MB21D2: variants seen among roughly 807,000 people sequenced by gnomAD.
MB21D2 encodes the protein nucleotidyltransferase MB21D2.
A neutral mutation model predicts 33.3 loss-of-function variants in MB21D2; 9 were observed. The observed-to-expected ratio is 0.27, with a 90% CI of 0.16 to 0.47. The LOEUF (loss-of-function observed/expected upper bound fraction) is 0.47, where lower values mean the gene tolerates loss of function less well. MB21D2 is among the 20% of genes least tolerant of loss of function. MB21D2 has a pLI of 0.99. For synonymous variants in MB21D2, 241 were observed against 236.3 expected, an observed-to-expected ratio of 1.02 and a Z score of -0.18; for missense variants, 540 against 624.6, an observed-to-expected ratio of 0.86 and a Z score of 1.44.
At chr3:192,817,139 T>TTTTAAATTTA (rs1711944606) in intron 1 of MB21D2, among the ~76,000 whole-genome samples, 1 of 152,236 alleles carries the variant, frequency 6.6e-6, no homozygotes, top group Non-Finnish European at 1.5e-5. Flanking sequence ...TCCCTGTTTT[T>TTTTAAATTTA]CTTTTAATTT....
rs115850719 is a variant in MB21D2 at position 192,834,295 on chromosome 3, C to A, written c.212-34645G>T. Among the ~76,000 whole-genome samples, 582 of 149,060 alleles carry A rather than the reference C, an allele frequency of 3.9e-3. 3 individuals are homozygous for A. The highest frequency in any genetic ancestry group is 0.014 in the African/African-American group (571 of 40,328). On this transcript the variant is annotated intron_variant, in intron 1 of 1. Transcript: ENST00000392452. Reference sequence around the variant, plus strand: ...TCATGCCATTGCACTCCAGCCCAGACGACAAAGCGAGACTGCATCTCAAAA... The same window carrying A: ...TCATGCCATTGCACTCCAGCCCAGAAGACAAAGCGAGACTGCATCTCAAAA...
At chr3:192,800,704 T>C (rs1055167709) in intron 1 of MB21D2, among the ~76,000 whole-genome samples, 5 of 152,180 alleles carry the variant, frequency 3.3e-5, no homozygotes, top group Non-Finnish European at 7.3e-5. Flanking sequence ...GAAATCTGTC[T>C]TCAGGAAAAG....
intron 1 of MB21D2, among the ~76,000 whole-genome samples, chr3:192,916,981 C>A (rs969486615): frequency 6.6e-6 from 1 of 152,206 alleles, no homozygotes; most frequent in African/African-American, 2.4e-5. Context: ...GAAGAAGCAC[C>A]GGAAATGCTT....
chr3:192,806,747 T>C (rs1339334267), intron 1 of MB21D2, among the ~76,000 whole-genome samples: 1 of 152,234 alleles, frequency 6.6e-6, no homozygotes, highest in East Asian at 1.9e-4. Context: ...TGTTTACTAA[T>C]CATCTAAAAG....
chr3:192,819,898 C>G (rs1449552825), intron 1 of MB21D2, among the ~76,000 whole-genome samples: 1 of 152,198 alleles, frequency 6.6e-6, no homozygotes, highest in Non-Finnish European at 1.5e-5. Flanking sequence ...AGCTCCTGCT[C>G]TGGGGACAAG....
chr3:192,800,391 T>G (rs796956476), intron 1 of MB21D2, among the ~76,000 whole-genome samples: 3 of 152,148 alleles, frequency 2.0e-5, no homozygotes, highest in African/African-American at 7.2e-5. Flanking sequence ...TGTCTGACTT[T>G]TTTACTGTGT....
chr3:192,900,206 C>A (rs952409924), intron 1 of MB21D2, among the ~76,000 whole-genome samples: 1 of 150,372 alleles, frequency 6.7e-6, no homozygotes, highest in African/African-American at 2.5e-5. Context: ...ATGGTGTGAA[C>A]CCGGGAGGCG....
intron 1 of MB21D2, among the ~76,000 whole-genome samples, chr3:192,838,674 C>T (rs1577179174): frequency 6.6e-6 from 1 of 152,082 alleles, no homozygotes; most frequent in Non-Finnish European, 1.5e-5. Context: ...GTGATCTGCC[C>T]ACCTCGGCCT....
intron 1 of MB21D2, among the ~76,000 whole-genome samples, chr3:192,848,696 T>C (rs1335193800): frequency 3.9e-5 from 6 of 152,228 alleles, no homozygotes; most frequent in Admixed American, 3.9e-4. Flanking sequence ...AATCTACGTG[T>C]TATACACATG....
intron 1 of MB21D2, among the ~76,000 whole-genome samples, chr3:192,899,321 G>A (rs1296040829): frequency 6.6e-6 from 1 of 152,102 alleles, no homozygotes; most frequent in African/African-American, 2.4e-5. Context: ...TTGAGGTCAG[G>A]AGTTCGAGAC....
chr3:192,845,374 G>A (rs1451989353), intron 1 of MB21D2, among the ~76,000 whole-genome samples: 1 of 152,236 alleles, frequency 6.6e-6, no homozygotes, highest in African/African-American at 2.4e-5. Flanking sequence ...TCACTGTAGA[G>A]CCAAGGGTGA....
chr3:192,901,032 A>G (rs2367138), intron 1 of MB21D2, among the ~76,000 whole-genome samples: 80,108 of 151,526 alleles, frequency 0.53, 21,391 homozygotes, highest in Non-Finnish European at 0.54. Flanking sequence ...CAGGAAGGAA[A>G]CAGTACTGAA....
intron 1 of MB21D2, among the ~76,000 whole-genome samples, chr3:192,851,945 G>A (rs951036006): frequency 6.6e-6 from 1 of 152,148 alleles, no homozygotes; most frequent in Admixed American, 6.5e-5. Flanking sequence ...GACAAATGTG[G>A]AGCCAAAATT....
chr3:192,916,635 C>G (rs935892135), intron 1 of MB21D2, among the ~76,000 whole-genome samples: 2 of 152,198 alleles, frequency 1.3e-5, no homozygotes, highest in Admixed American at 6.5e-5. Flanking sequence ...ACAACCCAGG[C>G]GCCTGGCAAA....
intron 1 of MB21D2, among the ~76,000 whole-genome samples, chr3:192,916,281 C>T (rs1714464724): frequency 6.6e-6 from 1 of 152,050 alleles, no homozygotes. Flanking sequence ...GCGTGAACAA[C>T]TACCAGCGGA....
intron 1 of MB21D2, among the ~76,000 whole-genome samples, chr3:192,884,945 A>G (rs1713699969): frequency 6.6e-6 from 1 of 152,136 alleles, no homozygotes; most frequent in Non-Finnish European, 1.5e-5. Context: ...GTCATGCAAG[A>G]GCCAGGAAGC....
At chr3:192,910,671 T>G (rs1714333482) in intron 1 of MB21D2, among the ~76,000 whole-genome samples, 1 of 152,208 alleles carries the variant, frequency 6.6e-6, no homozygotes, top group Non-Finnish European at 1.5e-5. Context: ...TCCCATACCA[T>G]CCCTGTTATG....
intron 1 of MB21D2, among the ~76,000 whole-genome samples, chr3:192,837,476 G>C (rs1278662617): frequency 2.0e-5 from 3 of 152,090 alleles, no homozygotes; most frequent in African/African-American, 4.8e-5. Flanking sequence ...AACGAGCTGC[G>C]GATCTGCAAT....
At position 192,810,038 on chromosome 3, in the gene MB21D2, A is replaced by C. The variant is rs574320571; in HGVS notation, c.212-10388T>G. ...GTTTATACTACTAGGTTGAGGAGAC[A>C]GGTGGAGGTAGCCAGGAACATGACT... On this transcript the variant is annotated intron_variant, in intron 1 of 1. Coordinates refer to ENST00000392452, the MANE Select transcript of MB21D2 (RefSeq NM_178496.4). Among the ~76,000 whole-genome samples, 6 of 152,334 alleles carry C rather than the reference A, an allele frequency of 3.9e-5. No individual in the cohort carries two copies. In the South Asian group the frequency reaches 1.2e-3, roughly 32 times the overall value.
Sources: allele counts gnomAD v4.1 joint callset (sites outside exome capture counted in the v4.1 genomes callset), GRCh38; gene constraint gnomAD v4.1.1; transcripts MANE v1.5; gene names NCBI Gene and HGNC (gene_info 2026-07-23, HGNC 2026-07-21).